The following DMD variants were observed in gnomAD, a reference collection of about 807,000 sequenced individuals.
DMD encodes the protein mutant dystrophin.
Under a neutral mutation model 330.1 loss-of-function variants are expected in DMD, and 63 were observed. The ratio of observed to expected loss-of-function variants is 0.19; its 90% CI spans 0.16 to 0.24. The LOEUF (loss-of-function observed/expected upper bound fraction) is 0.24, where lower values mean the gene tolerates loss of function less well. DMD is among the 10% of genes least tolerant of loss of function. DMD has a pLI of 1.00. For missense variants in DMD, 3,344 were observed against 2,684.1 expected (o/e 1.25, Z -5.43); for synonymous variants, 1,223 against 959.8 (o/e 1.27, Z -5.07).
chrX:32,408,006 G>T (rs373968621), intron 30 of DMD, among the ~76,000 whole-genome samples: 73 of 105,775 alleles, frequency 6.9e-4, no homozygotes, highest in African/African-American at 2.2e-3. Context: ...ATAGCATTAG[G>T]AGATATACCT....
At chrX:32,809,770 T>G (rs759004879) in intron 6 of DMD, among the ~76,000 whole-genome samples, 159 bp from the exon 7 acceptor site, 3 of 109,579 alleles carry the variant, frequency 2.7e-5, no homozygotes, top group Non-Finnish European at 5.7e-5. Flanking sequence ...TATTTCTATT[T>G]AAACAAGTAA....
At chrX:32,813,038 G>A (rs12845555) in intron 6 of DMD, among the ~76,000 whole-genome samples, 10,230 of 110,595 alleles carry the variant, frequency 0.092, 473 homozygotes, top group Admixed American at 0.17. Flanking sequence ...CATTCGTGCT[G>A]TATTCCCTTG....
chrX:32,085,677 C>T (rs1337255673), intron 44 of DMD, among the ~76,000 whole-genome samples: 20 of 51,750 alleles, frequency 3.9e-4, no homozygotes, highest in Admixed American at 1.0e-3. Flanking sequence ...TATATACACA[C>T]GCGTATATAT....
At chrX:32,343,898 A>C (rs1162957617) in intron 39 of DMD, among the ~76,000 whole-genome samples, 3 of 112,218 alleles carry the variant, frequency 2.7e-5, no homozygotes, top group Non-Finnish European at 5.6e-5. Flanking sequence ...GAACATAACT[A>C]ATAAAAAATT....
intron 2 of DMD, among the ~76,000 whole-genome samples, chrX:32,915,838 G>A (rs181963824): frequency 1.8e-5 from 2 of 111,390 alleles, no homozygotes; most frequent in East Asian, 5.6e-4. Flanking sequence ...ATTGTCTAAG[G>A]GCAAATATTT....
At chrX:31,609,518 C>CGTGTGTGT (rs74965499) in intron 55 of DMD, among the ~76,000 whole-genome samples, 2,451 of 109,681 alleles carry the variant, frequency 0.022, 28 homozygotes, top group Non-Finnish European at 0.036. Context: ...CGTGTGTGTG[C>CGTGTGTGT]GTGTGTGTGT....
At chrX:32,170,224 A>T (rs1302286440) in intron 44 of DMD, among the ~76,000 whole-genome samples, 1 of 110,268 alleles carries the variant, frequency 9.1e-6, no homozygotes, top group East Asian at 2.8e-4. Flanking sequence ...TAATCCCAGC[A>T]CTTTGGGAGG....
At chrX:31,791,004 T>C (rs868612129) in intron 50 of DMD, among the ~76,000 whole-genome samples, 10 of 112,000 alleles carry the variant, frequency 8.9e-5, no homozygotes, top group South Asian at 3.7e-4. Flanking sequence ...GGGTAATGCA[T>C]CACTCCTTTG....
At chrX:32,525,607 A>G (rs1022790329) in intron 17 of DMD, among the ~76,000 whole-genome samples, 1 of 111,288 alleles carries the variant, frequency 9.0e-6, no homozygotes, top group African/African-American at 3.3e-5. Context: ...TCGCTTCATC[A>G]CTTTTTGTGG....
chrX:31,675,964 T>A (rs1476482094), intron 53 of DMD, among the ~76,000 whole-genome samples: 1 of 112,382 alleles, frequency 8.9e-6, no homozygotes, highest in African/African-American at 3.2e-5. Context: ...AATTTTCTTT[T>A]TACGTTCAGG....
intron 11 of DMD, among the ~76,000 whole-genome samples, chrX:32,635,657 G>C (rs754239668): frequency 3.6e-5 from 4 of 111,828 alleles, no homozygotes; most frequent in Non-Finnish European, 7.5e-5. Context: ...ATAGTTTTTT[G>C]TTGTTGTTGC....
chrX:32,375,821 T>C, intron 34 of DMD, among the ~76,000 whole-genome samples: 1 of 112,156 alleles, frequency 8.9e-6, no homozygotes, highest in South Asian at 3.7e-4. Context: ...TTTCCAATTT[T>C]ACTATATTTC....
At chrX:32,948,959 TATA>T (rs1271015127) in intron 2 of DMD, among the ~76,000 whole-genome samples, 1 of 111,520 alleles carries the variant, frequency 9.0e-6, no homozygotes, top group Non-Finnish European at 1.9e-5. Flanking sequence ...GTCATTATTT[TATA>T]ATAACTGAAC....
intron 25 of DMD, among the ~76,000 whole-genome samples, chrX:32,458,185 G>A (rs1014968023): frequency 9.0e-6 from 1 of 110,506 alleles, no homozygotes; most frequent in Admixed American, 9.7e-5. Context: ...TTAAACCCAG[G>A]CGATCTGATC....
intron 44 of DMD, among the ~76,000 whole-genome samples, chrX:32,075,171 C>T (rs1447676683): frequency 8.9e-5 from 10 of 111,909 alleles, no homozygotes; most frequent in Non-Finnish European, 5.6e-5. Flanking sequence ...AAGCTCAAAG[C>T]ATGAGTAAGT....
intron 15 of DMD, among the ~76,000 whole-genome samples, chrX:32,570,979 G>T (rs927651782): frequency 9.0e-6 from 1 of 111,587 alleles, no homozygotes; most frequent in African/African-American, 3.3e-5. Context: ...TCCAAAGATG[G>T]CTGTAAAATA....
chrX:32,445,711 C>T (rs1253984526), intron 27 of DMD, among the ~76,000 whole-genome samples: 1 of 110,403 alleles, frequency 9.1e-6, no homozygotes, highest in Non-Finnish European at 1.9e-5. Context: ...TAAGTTGAAA[C>T]ATTTCAGTCA....
rs779176190 is a variant in DMD, at chrX:32,137,273, G to T, written c.6438+79643C>A. ...GTTGGTGCCTCCTTTACAAAAAAAA[G>T]TTGTGCTAGGAGACAAGCATAAATT... On this transcript the variant is annotated intron_variant, in intron 44 of 78. Transcript: ENST00000357033. Among the ~76,000 whole-genome samples, 6 of 111,552 alleles carry T rather than the reference G, an allele frequency of 5.4e-5. No individual in the cohort carries two copies. In the East Asian group the frequency reaches 1.7e-3, roughly 32 times the overall value.
chrX:32,838,108 T>C (rs2079819188), intron 4 of DMD, among the ~76,000 whole-genome samples: 1 of 111,767 alleles, frequency 8.9e-6, no homozygotes. Context: ...TCTAAAAATA[T>C]ATTTCCATCA....
Sources: gnomAD v4.1 joint callset for allele counts (sites outside exome capture counted in the v4.1 genomes callset) on GRCh38, gnomAD v4.1.1 for gene constraint, MANE v1.5 for transcripts, NCBI Gene and HGNC (gene_info 2026-07-23, HGNC 2026-07-21) for gene names.